MYO1B: variants seen among roughly 807,000 people sequenced by gnomAD.
The protein encoded by MYO1B is myosin IB, also known as unconventional myosin-Ib.
Under a neutral mutation model 159.7 loss-of-function variants are expected in MYO1B, and 72 were observed. That is an observed-to-expected ratio of 0.45 (90% CI 0.37 to 0.55). MYO1B has a LOEUF of 0.55. Ranked by LOEUF, MYO1B falls within the 20% of genes least tolerant of loss-of-function variation. The probability of loss-of-function intolerance (pLI) is 0.00; values close to 1 mark genes in which losing one functional copy is unlikely to be tolerated. For missense variants in MYO1B, 1,062 were observed against 1,364.8 expected (o/e 0.78, Z 3.50); for synonymous variants, 468 against 473.8 (o/e 0.99, Z 0.16).
intron 1 of MYO1B, among the ~76,000 whole-genome samples, chr2:191,273,751 A>G (rs946076034): frequency 3.9e-5 from 6 of 152,224 alleles, no homozygotes; most frequent in Non-Finnish European, 8.8e-5. Context: ...CTATAACAGT[A>G]TGTGTCCAAC....
rs1053446859 is a variant in MYO1B at position 191,414,778 on chromosome 2, C to T, written c.3159+109C>T. 7.3e-6 allele frequency: 9 copies of T among 1,236,916 alleles called. No individual in the cohort carries two copies. In the African/African-American group the frequency reaches 1.2e-4, roughly 17 times the overall value. The allele number at this position is 1,236,916 out of a possible 1,614,324, so 76.6% of individuals were successfully genotyped here. ...TTTATATATCTGCCTTGCTAATTTG[C>T]AAATTTTGGATATTCACCCCTATGT... On this transcript the variant is annotated intron_variant, in intron 29 of 30. Coordinates refer to ENST00000392318, the MANE Select transcript of MYO1B (RefSeq NM_001130158.3).
intron 7 of MYO1B, among the ~76,000 whole-genome samples, chr2:191,359,582 T>C (rs1693532343): frequency 6.6e-6 from 1 of 152,204 alleles, no homozygotes; most frequent in Admixed American, 6.5e-5. Context: ...ATATATCCTT[T>C]CACTCTACCT....
chr2:191,408,341 C>A, intron 25 of MYO1B, 152 bp downstream of exon 25: 1 of 593,324 alleles, frequency 1.7e-6, no homozygotes, highest in Non-Finnish European at 3.0e-6. Flanking sequence ...AGTTAGTTAT[C>A]TTTTAAAATC....
intron 1 of MYO1B, chr2:191,246,152 T>C (rs1357233816): frequency 6.6e-6 from 1 of 152,336 alleles, no homozygotes; most frequent in Non-Finnish European, 1.5e-5. Context: ...CGCGTGCAGC[T>C]GCGCTCGCCT....
intron 3 of MYO1B, among the ~76,000 whole-genome samples, chr2:191,314,645 A>G (rs1690229766): frequency 6.6e-6 from 1 of 152,246 alleles, no homozygotes; most frequent in Non-Finnish European, 1.5e-5. Flanking sequence ...GGTGATGAAT[A>G]CATAAAAGTC....
intron 1 of MYO1B, among the ~76,000 whole-genome samples, chr2:191,261,724 T>TCAC (rs1686822198): frequency 6.6e-6 from 1 of 152,170 alleles, no homozygotes; most frequent in Non-Finnish European, 1.5e-5. Context: ...GCACTTCACT[T>TCAC]TCCAGGGCTC....
chr2:191,328,928 T>C (rs1177459867), intron 3 of MYO1B, among the ~76,000 whole-genome samples: 1 of 152,216 alleles, frequency 6.6e-6, no homozygotes, highest in African/African-American at 2.4e-5. Context: ...ACCTTTATCA[T>C]TGGGCTTAAT....
At chr2:191,407,185 G>T (rs1182503016) in intron 24 of MYO1B, among the ~76,000 whole-genome samples, 6 of 152,184 alleles carry the variant, frequency 3.9e-5, no homozygotes, top group African/African-American at 1.4e-4. Flanking sequence ...TATGCATACA[G>T]AACATTTATC....
intron 2 of MYO1B, among the ~76,000 whole-genome samples, chr2:191,277,410 C>T (rs570381160): frequency 6.6e-6 from 1 of 152,270 alleles, no homozygotes; most frequent in East Asian, 1.9e-4. Flanking sequence ...AGGCAGTAAA[C>T]TGTCAAAAAA....
chr2:191,414,048 T>A lies in MYO1B; in HGVS notation c.2874T>A (p.Ser958Arg), dbSNP rs1238674729. The A allele has an allele frequency of 6.3e-7, 1 of 1,598,162 alleles. No homozygotes were observed. The highest frequency in any genetic ancestry group is 8.5e-7 in the Non-Finnish European group (1 of 1,174,654). ...FKDKKALYPSSVGQPFQGAYL... is the reference protein window; with the variant it reads ...FKDKKALYPSRVGQPFQGAYL... ...ATGTGCAGGAATTTTTTTCCTTTAGTGTTGGGCAACCATTCCAAGGGGCTT... is the reference window on the plus strand; with the variant it reads ...ATGTGCAGGAATTTTTTTCCTTTAGAGTTGGGCAACCATTCCAAGGGGCTT... Residue 958 changes from serine (S) to arginine (R), a missense_variant and splice_region_variant, in exon 28 of 31, where the codon AGT (serine) becomes AGA (arginine). By Grantham distance (110) the Ser-to-Arg change is moderately radical. This residue lies in a region of MYO1B where 609 missense variants were observed against 744.4 expected (regional missense o/e 0.82). Transcript: ENST00000392318.
intron 11 of MYO1B, among the ~76,000 whole-genome samples, chr2:191,365,060 G>A (rs529768100): frequency 2.8e-4 from 42 of 152,322 alleles, no homozygotes; most frequent in African/African-American, 9.6e-4. Context: ...CTGAGCTGCT[G>A]CCTTCTCTCC....
intron 24 of MYO1B, 173 bp from the exon 25 acceptor site, chr2:191,407,942 T>C: frequency 2.4e-6 from 1 of 422,832 alleles, no homozygotes; most frequent in Non-Finnish European, 4.2e-6. Context: ...TTAATTTCTT[T>C]CTCTCTGACT....
chr2:191,368,775 A>G (rs1694173183), intron 11 of MYO1B, among the ~76,000 whole-genome samples: 1 of 152,042 alleles, frequency 6.6e-6, no homozygotes, highest in African/African-American at 2.4e-5. Context: ...GGAGTTTGAG[A>G]CCAGTCTGGC....
rs1409014006 is a variant in MYO1B at position 191,315,153 on chromosome 2, G to GTCCGTCCGTCCA, written c.252-14775_252-14774insGTCCATCCGTCC. ...CCCACCCCTTATCCTCCCACCGTCC[G>GTCCGTCCGTCCA]TCCGTCCATCCATCCATCCATCCAT... is the stretch of plus-strand genomic sequence containing the variant. On this transcript the variant is annotated intron_variant, in intron 3 of 30. Coordinates refer to ENST00000392318, the MANE Select transcript of MYO1B (RefSeq NM_001130158.3). Among the ~76,000 whole-genome samples, 89 of 120,186 alleles carry GTCCGTCCGTCCA rather than the reference G, an allele frequency of 7.4e-4. 1 individual carries two copies. The East Asian group carries it at 0.017, about 24-fold the overall frequency. 78.8% of individuals were successfully genotyped at this position (120,186 alleles called of 152,430 possible).
rs1413170466 is a variant in MYO1B, at chr2:191,363,771, C to A, written c.809C>A (p.Ser270Tyr). Residue 270 changes from serine to tyrosine, a missense_variant, in exon 10 of 31, where the codon TCT (serine) becomes TAT (tyrosine). Ser to Tyr is a moderately radical substitution (Grantham distance 144). Around this residue, in one of 5 missense-constraint regions of MYO1B, gnomAD observed 415 missense variants for 544.0 expected, o/e 0.76. Coordinates refer to ENST00000392318, the MANE Select transcript of MYO1B (RefSeq NM_001130158.3). ...GGCTTTATGGATCATGAAGCTGAGT[C>A]TGTCTTGGCGGTGGTGGCAGCAGTG... ...IVGFMDHEAESVLAVVAAVLK... is the reference protein window; with the variant it reads ...IVGFMDHEAEYVLAVVAAVLK... 1 of 1,613,538 alleles carries A rather than the reference C, an allele frequency of 6.2e-7. No individual in the cohort carries two copies. The highest frequency in any genetic ancestry group is 1.1e-5 in the South Asian group (1 of 91,050).
intron 20 of MYO1B, among the ~76,000 whole-genome samples, chr2:191,395,991 A>G (rs1696050385): frequency 6.6e-6 from 1 of 152,196 alleles, no homozygotes; most frequent in Non-Finnish European, 1.5e-5. Context: ...GGCAGAGTAA[A>G]AGTAGCAAAC....
rs540569794 is a variant in MYO1B at position 191,397,367 on chromosome 2, A to G, written c.2295+870A>G. Among the ~76,000 whole-genome samples, 55 of 145,934 alleles carry G rather than the reference A, an allele frequency of 3.8e-4. No individual in the cohort carries two copies. The South Asian group carries it at 8.0e-3, about 21-fold the overall frequency. On this transcript the variant is annotated intron_variant, in intron 21 of 30. Transcript: ENST00000392318. ...TTCCGCAGTGTTTGTGTCCCTGGGT[A>G]CTTAAGATTAGGGAGTGGTGATGAC...
chr2:191,354,643 T>C (rs936305905), intron 7 of MYO1B, among the ~76,000 whole-genome samples: 4 of 152,002 alleles, frequency 2.6e-5, no homozygotes, highest in African/African-American at 7.2e-5. Context: ...ACCTCAAACT[T>C]AGTAGCAGAG....
chr2:191,353,453 T>A (rs1693050747), intron 7 of MYO1B, among the ~76,000 whole-genome samples: 1 of 152,198 alleles, frequency 6.6e-6, no homozygotes, highest in Non-Finnish European at 1.5e-5. Context: ...CAGAGAAATA[T>A]ACGCTATGAA....
Sources: allele counts gnomAD v4.1 joint callset (sites outside exome capture counted in the v4.1 genomes callset), GRCh38; gene constraint gnomAD v4.1.1; regional missense constraint gnomAD v4.1.1; transcripts MANE v1.5; gene names NCBI Gene and HGNC (gene_info 2026-07-23, HGNC 2026-07-21).